ELMOD2: variants seen among roughly 807,000 people sequenced by gnomAD.
ELMOD2 encodes ELMO domain containing 2, also known as ELMO domain-containing protein 2.
A neutral mutation model predicts 41.0 loss-of-function variants in ELMOD2; 28 were observed. That is an observed-to-expected ratio of 0.68 (90% CI 0.51 to 0.94). The LOEUF is 0.94. ELMOD2 is among the 40% of genes least tolerant of loss of function. The pLI, the probability that ELMOD2 is intolerant of heterozygous loss-of-function variation, is 0.00. For synonymous variants in ELMOD2, 106 were observed against 107.2 expected (o/e 0.99, Z 0.07); for missense variants, 333 against 343.1 (o/e 0.97, Z 0.23).
rs1346867487 is a variant in ELMOD2, at chr4:140,551,123, TCTCTACCTATGTATGCTTATGAAACCG to T, written c.*758_*784del. ...GTAGAAAAGAACCTTAGTGTTTTCT[TCTCTACCTATGTATGCTTATGAAACCG>T]CTCTACCTACATATGAAACTTCTCT... On this transcript the variant is annotated 3_prime_UTR_variant, in exon 9 of 9. Transcript: ENST00000323570. 6.6e-6 allele frequency: 1 copy of T among 152,134 alleles called. No individual in the cohort carries two copies. The highest frequency in any genetic ancestry group is 1.5e-5 in the Non-Finnish European group (1 of 67,984). 9.4% of individuals were successfully genotyped at this position (152,134 alleles called of 1,614,324 possible). A position where few individuals can be genotyped will look rare whatever the true frequency, so the allele number is the denominator to read the frequency against.
In ELMOD2 at chr4:140,535,821, A is replaced by G; in HGVS notation, c.260A>G (p.Lys87Arg). The G allele has an allele frequency of 2.5e-6, 4 of 1,602,254 alleles. No individual in the cohort carries two copies. The Admixed American group carries it at 5.3e-5, about 21-fold the overall frequency. The change falls in exon 4 of 9, where the codon AAG becomes AGG. Residue 87 changes from lysine (K) to arginine (R), a missense_variant. Transcript: ENST00000323570. ...IMKEKNINPE[K>R]DASFKICMKM... ...AAGGAAAAGAATATTAACCCTGAGA[A>G]GGATGCCAGGTGTGCGTTTTTTACA...
At chr4:140,539,655 TTCTTAAATCCTCA>T (rs148183681) in intron 5 of ELMOD2, among the ~76,000 whole-genome samples, 1,853 of 152,356 alleles carry the variant, frequency 0.012, 19 homozygotes, top group South Asian at 0.039. Context: ...TTGATAGTTT[TTCTTAAATCCTCA>T]TCATTAAAGA....
chr4:140,533,950 T>C (rs967731185), intron 3 of ELMOD2, among the ~76,000 whole-genome samples: 61 of 152,074 alleles, frequency 4.0e-4, no homozygotes, highest in African/African-American at 1.4e-3. Context: ...CTAAATGAAA[T>C]AGACGAACAA....
chr4:140,541,364 T>G (rs1285850813), intron 6 of ELMOD2, among the ~76,000 whole-genome samples: 2 of 152,160 alleles, frequency 1.3e-5, no homozygotes, highest in African/African-American at 4.8e-5. Flanking sequence ...TTTTTCACCA[T>G]TTGATACTGT....
chr4:140,550,429 A>T lies in ELMOD2; in HGVS notation c.*54A>T. The T allele has an allele frequency of 1.4e-6, 2 of 1,480,184 alleles. No homozygotes were observed. Among genetic ancestry groups the T allele is most frequent in the Non-Finnish European group, 1.8e-6 (2 of 1,095,090 alleles). 91.7% of individuals were successfully genotyped at this position (1,480,184 alleles called of 1,614,324 possible). On this transcript the variant is annotated 3_prime_UTR_variant, in exon 9 of 9. Transcript: ENST00000323570. The stretch of plus-strand genomic sequence containing the variant: ...ACATTTTGCACATTCAACAGAATTT[A>T]TATGTTGTAATAGGAATTATCTGAT...
chr4:140,540,102 CA>C, intron 5 of ELMOD2, 65 bp from the exon 6 acceptor site: 1 of 1,530,464 alleles, frequency 6.5e-7, no homozygotes, highest in South Asian at 1.2e-5. Context: ...TATTTGATAG[CA>C]TTAAATTACT....
chr4:140,530,032 G>A (rs1007419724), intron 3 of ELMOD2, among the ~76,000 whole-genome samples: 3 of 152,168 alleles, frequency 2.0e-5, no homozygotes, highest in African/African-American at 7.2e-5. Flanking sequence ...GTGAATGAAT[G>A]AATAAGTGAG....
chr4:140,553,672 T>TTCC lies in ELMOD2; in HGVS notation c.*3298_*3299insCCT, dbSNP rs763087374. ...TAAAGGAATTGGGATTTTTGTCTAC[T>TTCC]TTGGATAAGGCAGTTGACTTCTTAA... On this transcript the variant is annotated 3_prime_UTR_variant, in exon 9 of 9. Coordinates refer to ENST00000323570, the MANE Select transcript of ELMOD2 (RefSeq NM_153702.4). 8 of 152,290 alleles carry TTCC rather than the reference T, an allele frequency of 5.3e-5. No individual in the cohort carries two copies. Among genetic ancestry groups the TTCC allele is most frequent in the African/African-American group, 9.6e-5 (4 of 41,566 alleles). 9.4% of individuals were successfully genotyped at this position (152,290 alleles called of 1,614,324 possible).
chr4:140,545,535 G>A (rs1735247477), intron 8 of ELMOD2, among the ~76,000 whole-genome samples: 1 of 152,174 alleles, frequency 6.6e-6, no homozygotes, highest in African/African-American at 2.4e-5. Flanking sequence ...AGAATCATAT[G>A]AGGATGCTTA....
intron 5 of ELMOD2, among the ~76,000 whole-genome samples, chr4:140,538,639 A>T (rs181549770): frequency 5.3e-5 from 8 of 152,196 alleles, no homozygotes; most frequent in African/African-American, 1.4e-4. Context: ...CTTTTGAGGG[A>T]AAAAAGTACA....
intron 5 of ELMOD2, among the ~76,000 whole-genome samples, chr4:140,537,936 C>T (rs1231771245): frequency 6.6e-6 from 1 of 151,982 alleles, no homozygotes; most frequent in Non-Finnish European, 1.5e-5. Flanking sequence ...TTTTCAGCTA[C>T]TTACAAGTTG....
intron 2 of ELMOD2, among the ~76,000 whole-genome samples, chr4:140,525,941 C>T (rs1441271501): frequency 1.3e-5 from 2 of 152,132 alleles, no homozygotes; most frequent in Admixed American, 1.3e-4. Context: ...ACTTAGGATC[C>T]TTCATCAGTC....
chr4:140,537,629 G>T (rs770521033), intron 5 of ELMOD2, 88 bp downstream of exon 5: 31 of 1,484,176 alleles, frequency 2.1e-5, no homozygotes, highest in Non-Finnish European at 2.6e-5. Flanking sequence ...AATTCTAGAG[G>T]CTTATATGGC....
At position 140,547,865 on chromosome 4, in the gene ELMOD2, C is replaced by T. The variant is rs187670611; in HGVS notation, c.737-2365C>T. Reference sequence around the variant, plus strand: ...TTCCAAACATCTGGACTCAAAAGGACAAAATATGTGCATCATGGAAAACAG... The same window carrying T: ...TTCCAAACATCTGGACTCAAAAGGATAAAATATGTGCATCATGGAAAACAG... On this transcript the variant is annotated intron_variant, in intron 8 of 8. Coordinates refer to ENST00000323570, the MANE Select transcript of ELMOD2 (RefSeq NM_153702.4). Among the ~76,000 whole-genome samples, 1,229 of 152,254 alleles carry T rather than the reference C, an allele frequency of 8.1e-3. 11 individuals carry two copies. Among genetic ancestry groups the T allele is most frequent in the Non-Finnish European group, 0.013 (851 of 68,016 alleles).
At chr4:140,525,699 A>G (rs887252576) in intron 2 of ELMOD2, 129 bp downstream of exon 2, 15 of 1,022,782 alleles carry the variant, frequency 1.5e-5, no homozygotes, top group Non-Finnish European at 1.9e-5. Context: ...TAAGCTCTGA[A>G]GTCCCGCTTT....
At chr4:140,539,423 G>T (rs1220895755) in intron 5 of ELMOD2, among the ~76,000 whole-genome samples, 1 of 151,184 alleles carries the variant, frequency 6.6e-6, no homozygotes, top group Non-Finnish European at 1.5e-5. Flanking sequence ...GTGCAGTGGC[G>T]CCATCTCAGC....
At chr4:140,550,060 TTTA>T (rs1432442528) in intron 8 of ELMOD2, among the ~76,000 whole-genome samples, 167 bp from the exon 9 acceptor site, 4 of 152,126 alleles carry the variant, frequency 2.6e-5, no homozygotes, top group Non-Finnish European at 5.9e-5. Flanking sequence ...CACTAAATCG[TTTA>T]TTAAGTCTTA....
At chr4:140,526,828 A>G (rs1389117879) in intron 2 of ELMOD2, 1 of 152,304 alleles carries the variant, frequency 6.6e-6, no homozygotes, top group Non-Finnish European at 1.5e-5. Flanking sequence ...GTGTGGGGGA[A>G]GAATATATAT....
intron 8 of ELMOD2, among the ~76,000 whole-genome samples, chr4:140,549,609 G>A (rs565057095): frequency 1.2e-4 from 17 of 136,178 alleles, no homozygotes; most frequent in East Asian, 7.1e-4. Flanking sequence ...ACATTTTTTC[G>A]TTACTTGCAT....
Sources: gnomAD v4.1 joint callset for allele counts (sites outside exome capture counted in the v4.1 genomes callset) on GRCh38, gnomAD v4.1.1 for gene constraint, MANE v1.5 for transcripts, NCBI Gene and HGNC (gene_info 2026-07-23, HGNC 2026-07-21) for gene names.